Variants in NRIP1 observed in about 807,000 individuals in gnomAD.
The protein encoded by NRIP1 is nuclear receptor interacting protein 1, also known as nuclear receptor-interacting protein 1.
Under a neutral mutation model 75.0 loss-of-function variants are expected in NRIP1, and 28 were observed. That is an observed-to-expected ratio of 0.37 (90% CI 0.28 to 0.51). The LOEUF is 0.51. Ranked by LOEUF, NRIP1 falls within the 20% of genes least tolerant of loss-of-function variation. The pLI, the probability that NRIP1 is intolerant of heterozygous loss-of-function variation, is 0.92. For missense variants in NRIP1, 1,435 were observed against 1,343.7 expected (o/e 1.07, Z -1.06); for synonymous variants, 526 against 487.6 (o/e 1.08, Z -1.04).
Position 14,967,028 on chromosome 21 carries a change from T to G in NRIP1, c.1165A>C (p.Ile389Leu). 1 of 1,614,180 alleles carries G rather than the reference T, an allele frequency of 6.2e-7. No individual in the cohort carries two copies. The highest frequency in any genetic ancestry group is 8.5e-7 in the Non-Finnish European group (1 of 1,180,016). The change falls in exon 4 of 4, where the codon ATA (isoleucine) becomes CTA (leucine). Residue 389 changes from isoleucine (I) to leucine (L), a missense_variant. Transcript: ENST00000318948. ...CTGTGTCCATTCATTGGCTTAGGTA[T>G]AGTCTGGCTTTTAAGAAGATGTAAA... is the stretch of plus-strand genomic sequence containing the variant. ...LLLHLLKSQT[I>L]PKPMNGHSHS...
chr21:15,064,402 A>G (rs751633058), intron 1 of NRIP1, among the ~76,000 whole-genome samples: 1 of 152,114 alleles, frequency 6.6e-6, no homozygotes, highest in Admixed American at 6.5e-5. Context: ...CGGGACCGAG[A>G]GGGCAAGCGA....
At chr21:15,030,185 A>G (rs1326321043) in intron 2 of NRIP1, among the ~76,000 whole-genome samples, 3 of 152,268 alleles carry the variant, frequency 2.0e-5, no homozygotes, top group African/African-American at 7.2e-5. Flanking sequence ...AAGATGGCAG[A>G]GTAGAAAACA....
intron 3 of NRIP1, among the ~76,000 whole-genome samples, chr21:14,985,133 G>A (rs1242524927): frequency 6.6e-6 from 1 of 152,124 alleles, no homozygotes. Flanking sequence ...ACTCCTTATG[G>A]GCAAGAATTA....
chr21:14,967,383 C>T lies in NRIP1; in HGVS notation c.810G>A (p.Leu270=), dbSNP rs932970868. ...ACTGCTGCAAATGGGCTTCGCTTGA[C>T]AGAAGTAATGCTAACTGGCTACAAG... ...SVACSQLALL[L]SSEAHLQQYS... Residue 270 remains leucine, a synonymous_variant, in exon 4 of 4, where the codon CTG becomes CTA. Transcript: ENST00000318948. 15 of 1,614,000 alleles carry T rather than the reference C, an allele frequency of 9.3e-6. No homozygotes were observed. The highest frequency in any genetic ancestry group is 1.3e-5 in the Non-Finnish European group (15 of 1,180,022).
At chr21:15,042,162 A>G (rs2088968826) in intron 2 of NRIP1, among the ~76,000 whole-genome samples, 1 of 152,236 alleles carries the variant, frequency 6.6e-6, no homozygotes, top group African/African-American at 2.4e-5. Flanking sequence ...ATTTCATATG[A>G]ATAAAAATCA....
At chr21:15,018,778 T>G (rs573505835) in intron 2 of NRIP1, among the ~76,000 whole-genome samples, 1 of 152,190 alleles carries the variant, frequency 6.6e-6, no homozygotes. Flanking sequence ...TGGGGTTATT[T>G]TCCCTTAATA....
rs950518964 is a variant in NRIP1 at position 14,962,039 on chromosome 21, A to G, written c.*2677T>C. The G allele has an allele frequency of 7.4e-5, 10 of 135,218 alleles. No individual in the cohort carries two copies. In the South Asian group the frequency reaches 1.6e-3, roughly 22 times the overall value. The allele number at this position is 135,218 out of a possible 1,614,324, so 8.4% of individuals were successfully genotyped here. A position where few individuals can be genotyped will look rare whatever the true frequency, so the allele number is the denominator to read the frequency against. On this transcript the variant is annotated 3_prime_UTR_variant, in exon 4 of 4. Transcript: ENST00000318948. The stretch of plus-strand genomic sequence containing the variant: ...ATTATATATATATATATATATATAT[A>G]TATAAAATATATACTCTCACCAGTT...
rs1386197959 is a variant in NRIP1 at position 14,965,261 on chromosome 21, T to G, written c.2932A>C (p.Ile978Leu). 5 of 1,613,878 alleles carry G rather than the reference T, an allele frequency of 3.1e-6. No homozygotes were observed. The highest frequency in any genetic ancestry group is 4.2e-6 in the Non-Finnish European group (5 of 1,179,946). Residue 978 changes from isoleucine (I) to leucine (L), a missense_variant, in exon 4 of 4, where the codon ATT becomes CTT. Coordinates refer to ENST00000318948, the MANE Select transcript of NRIP1 (RefSeq NM_003489.4). ...TACATCAGTCCATTTAAAGAAGAAA[T>G]GCTAAATTCAGGTTTGCTGTTGGTC... Reference protein sequence around the residue: ...NVTNSKPEFSISSLNGLMYSS... With the variant: ...NVTNSKPEFSLSSLNGLMYSS...
chr21:15,031,957 T>G (rs571163271), intron 2 of NRIP1, among the ~76,000 whole-genome samples: 3 of 151,540 alleles, frequency 2.0e-5, no homozygotes, highest in South Asian at 4.2e-4. Flanking sequence ...GACACCACAT[T>G]CCCTTTCTAT....
In NRIP1 at chr21:15,047,047, C is replaced by T. The variant is rs112792841; in HGVS notation, c.-537-3473G>A. 3.5e-3 allele frequency among the ~76,000 whole-genome samples: 527 copies of T among 152,222 alleles called. 5 individuals carry two copies. The highest frequency in any genetic ancestry group is 0.012 in the African/African-American group (502 of 41,524). On this transcript the variant is annotated intron_variant, in intron 1 of 3. Transcript: ENST00000318948. Reference sequence around the variant, plus strand: ...TTAGCAATAAGGCTGTCTATTAGTCCGTTCTCACACAGCTATGAAAAAATG... The same window carrying T: ...TTAGCAATAAGGCTGTCTATTAGTCTGTTCTCACACAGCTATGAAAAAATG...
At chr21:14,987,976 C>T (rs1368169900) in intron 3 of NRIP1, 1 of 152,124 alleles carries the variant, frequency 6.6e-6, no homozygotes, top group Non-Finnish European at 1.5e-5. Flanking sequence ...GATTTGAAAA[C>T]TTTTCGTAAA....
chr21:15,031,641 T>A (rs2088695858), intron 2 of NRIP1, among the ~76,000 whole-genome samples: 1 of 87,252 alleles, frequency 1.1e-5, no homozygotes, highest in Non-Finnish European at 2.1e-5. Context: ...TGGAAGGCGC[T>A]CGGAGGATCA....
chr21:15,042,958 C>T (rs1600917161), intron 2 of NRIP1, among the ~76,000 whole-genome samples: 1 of 152,340 alleles, frequency 6.6e-6, no homozygotes, highest in South Asian at 2.1e-4. Context: ...CTATACCAAT[C>T]TATCCACAAA....
chr21:15,019,119 T>C (rs1264787818), intron 2 of NRIP1, among the ~76,000 whole-genome samples: 1 of 148,572 alleles, frequency 6.7e-6, no homozygotes, highest in Non-Finnish European at 1.5e-5. Context: ...TCTTTTAGTC[T>C]ATTAATAATA....
intron 1 of NRIP1, among the ~76,000 whole-genome samples, chr21:15,061,341 G>C (rs1192570836): frequency 6.6e-6 from 1 of 152,004 alleles, no homozygotes; most frequent in African/African-American, 2.4e-5. Context: ...CACCTGAAGG[G>C]GCAGAAGGGA....
chr21:14,988,114 C>G (rs1330279491), intron 3 of NRIP1: 1 of 152,176 alleles, frequency 6.6e-6, no homozygotes, highest in Non-Finnish European at 1.5e-5. Context: ...AGAACAGTCT[C>G]TGGATTCCTG....
intron 2 of NRIP1, among the ~76,000 whole-genome samples, chr21:15,024,940 GA>G (rs2088480713): frequency 6.6e-6 from 1 of 152,144 alleles, no homozygotes; most frequent in South Asian, 2.1e-4. Flanking sequence ...GTCAATCACA[GA>G]AAAGCAAATC....
At chr21:15,008,423 A>C (rs1431185960) in intron 3 of NRIP1, among the ~76,000 whole-genome samples, 3 of 152,170 alleles carry the variant, frequency 2.0e-5, no homozygotes, top group African/African-American at 7.2e-5. Flanking sequence ...AAGGTACACA[A>C]ATCATAAAGA....
At chr21:15,058,218 A>G (rs2089347354) in intron 1 of NRIP1, among the ~76,000 whole-genome samples, 1 of 152,216 alleles carries the variant, frequency 6.6e-6, no homozygotes. Context: ...GTGGAATAAC[A>G]GGAATACTAT....
Sources: gnomAD v4.1 joint callset for allele counts (sites outside exome capture counted in the v4.1 genomes callset) on GRCh38, gnomAD v4.1.1 for gene constraint, MANE v1.5 for transcripts, NCBI Gene and HGNC (gene_info 2026-07-23, HGNC 2026-07-21) for gene names.